Variants in MPRIP observed in about 807,000 individuals in gnomAD.
MPRIP encodes myosin phosphatase Rho interacting protein, also known as myosin phosphatase Rho-interacting protein.
MPRIP carries 59 observed loss-of-function variants against 234.9 expected under a neutral mutation model. The ratio of observed to expected loss-of-function variants is 0.25; its 90% CI spans 0.20 to 0.31. MPRIP has a LOEUF of 0.31. Among genes scored for constraint, MPRIP ranks in the 10% least tolerant of loss-of-function variants. MPRIP has a pLI of 1.00. For missense variants in MPRIP, 2,436 were observed against 3,071.0 expected, an observed-to-expected ratio of 0.79 and a Z score of 4.89; for synonymous variants, 1,144 against 1,263.9, an observed-to-expected ratio of 0.91 and a Z score of 2.01.
chr17:17,141,068 C>G (rs1360688355), intron 7 of MPRIP, among the ~76,000 whole-genome samples: 1 of 152,216 alleles, frequency 6.6e-6, no homozygotes. Context: ...GTAGCAAGTG[C>G]CTTTCCTCTT....
In MPRIP at chr17:17,136,503, C is replaced by T. The variant is rs534926767; in HGVS notation, c.736+53C>T. 1.6e-5 allele frequency: 24 copies of T among 1,521,298 alleles called. No individual in the cohort carries two copies. In the South Asian group the frequency reaches 2.5e-4, roughly 16 times the overall value. 94.2% of individuals were successfully genotyped at this position (1,521,298 alleles called of 1,614,324 possible). On this transcript the variant is annotated intron_variant, in intron 6 of 23. Transcript: ENST00000651222. ...GCACGGGAATGGCCCTCCCTCCCAT[C>T]AGAGCTGGCCCTGGGGATTCAGCCA...
chr17:17,056,577 A>T (rs1007587789), intron 1 of MPRIP, among the ~76,000 whole-genome samples: 1 of 148,902 alleles, frequency 6.7e-6, no homozygotes, highest in South Asian at 2.1e-4. Context: ...CCGTGCTATG[A>T]TGGGGTGAAC....
In MPRIP at chr17:17,185,746, T is replaced by C; in HGVS notation, c.*852T>C. 1 of 340,772 alleles carries C rather than the reference T, an allele frequency of 2.9e-6. No homozygotes were observed. Among genetic ancestry groups the C allele is most frequent in the African/African-American group, 2.2e-5 (1 of 46,066 alleles). 21.1% of individuals were successfully genotyped at this position (340,772 alleles called of 1,614,324 possible). A position where few individuals can be genotyped will look rare whatever the true frequency, so the allele number is the denominator to read the frequency against. ...TTCAAAATGGGGGAAGGTTTGGGGG[T>C]TTGGGTTTTTTTTTTACCTTTTGGA... On this transcript the variant is annotated 3_prime_UTR_variant, in exon 24 of 24. Transcript: ENST00000651222.
At chr17:17,073,011 A>G (rs1017563964) in intron 1 of MPRIP, among the ~76,000 whole-genome samples, 1 of 152,072 alleles carries the variant, frequency 6.6e-6, no homozygotes, top group Admixed American at 6.5e-5. Context: ...ATTCCAACTG[A>G]TGTGCAGCCA....
At chr17:17,083,642 A>AT (rs1311338154) in intron 3 of MPRIP, among the ~76,000 whole-genome samples, 3 of 152,090 alleles carry the variant, frequency 2.0e-5, no homozygotes, top group Non-Finnish European at 4.4e-5. Flanking sequence ...TCCCTAAGCC[A>AT]TTTTTTTGCA....
At chr17:17,168,039 T>C in intron 16 of MPRIP, 124 bp downstream of exon 16, 1 of 798,578 alleles carries the variant, frequency 1.3e-6, no homozygotes, top group South Asian at 1.7e-5. Flanking sequence ...CTCTACTTGC[T>C]AGCCATGGTG....
intron 3 of MPRIP, among the ~76,000 whole-genome samples, chr17:17,125,482 C>T (rs2090474214): frequency 6.6e-6 from 1 of 152,248 alleles, no homozygotes; most frequent in Non-Finnish European, 1.5e-5. Flanking sequence ...TCCGGTCTGA[C>T]TCCTGCAGGC....
intron 3 of MPRIP, among the ~76,000 whole-genome samples, chr17:17,126,408 G>A (rs898064102): frequency 5.3e-5 from 8 of 152,282 alleles, no homozygotes; most frequent in Non-Finnish European, 1.2e-4. Flanking sequence ...GATCTCAGCT[G>A]CCCCTGTCAC....
intron 19 of MPRIP, 35 bp downstream of exon 19, chr17:17,174,110 AG>A (rs749205773): frequency 1.9e-6 from 3 of 1,607,776 alleles, no homozygotes; most frequent in African/African-American, 1.3e-5. Flanking sequence ...AAGGTTAGTC[AG>A]GGGCACTCAA....
chr17:17,051,502 G>A (rs978763860), intron 1 of MPRIP, among the ~76,000 whole-genome samples: 1 of 152,240 alleles, frequency 6.6e-6, no homozygotes, highest in African/African-American at 2.4e-5. Context: ...TCTGGGCAAG[G>A]CAGCCAAAGC....
chr17:17,181,571 A>G (rs911069611), intron 23 of MPRIP: 8 of 152,260 alleles, frequency 5.3e-5, no homozygotes, highest in Admixed American at 2.6e-4. Context: ...TTCTTTAAAC[A>G]TAACGTTTTG....
Position 17,158,651 on chromosome 17 carries a change from T to G in MPRIP, c.2049T>G (p.Pro683=). 1 of 1,603,688 alleles carries G rather than the reference T, an allele frequency of 6.2e-7. No homozygotes were observed. The highest frequency in any genetic ancestry group is 1.1e-5 in the South Asian group (1 of 90,446). The part of the protein sequence containing the change: ...LAQERVGGVG[P]ADTHEPLRPE... Reference sequence around the variant, plus strand: ...AGGAGCGGGTGGGCGGCGTGGGGCCTGCTGACACCCACGAGCCCCTGCGCC... The same window carrying G: ...AGGAGCGGGTGGGCGGCGTGGGGCCGGCTGACACCCACGAGCCCCTGCGCC... The change falls in exon 14 of 24, where the codon CCT becomes CCG. Residue 683 remains proline (P), a synonymous_variant. Coordinates refer to ENST00000651222, the MANE Select transcript of MPRIP (RefSeq NM_001364716.4).
At chr17:17,110,303 A>C (rs113891816) in intron 3 of MPRIP, among the ~76,000 whole-genome samples, 1 of 152,200 alleles carries the variant, frequency 6.6e-6, no homozygotes, top group Non-Finnish European at 1.5e-5. Context: ...TTGTGAGCCA[A>C]ATAACCCTCT....
At chr17:17,175,536 G>T in intron 20 of MPRIP, 124 bp downstream of exon 20, 1 of 1,275,694 alleles carries the variant, frequency 7.8e-7, no homozygotes, top group Non-Finnish European at 1.0e-6. Flanking sequence ...GGAGTCACAG[G>T]GTCCAGGAAG....
intron 3 of MPRIP, among the ~76,000 whole-genome samples, chr17:17,082,541 C>T (rs561779635): frequency 2.0e-5 from 3 of 152,060 alleles, no homozygotes; most frequent in African/African-American, 7.2e-5. Context: ...GTGATCCGCC[C>T]GCCTCGGCCT....
intron 3 of MPRIP, among the ~76,000 whole-genome samples, chr17:17,123,735 A>G (rs2090439108): frequency 6.6e-6 from 1 of 151,686 alleles, no homozygotes; most frequent in Non-Finnish European, 1.5e-5. Flanking sequence ...GAAAGAAAAA[A>G]CGAAAAGTTA....
At chr17:17,157,793 A>T (rs1373596705) in intron 13 of MPRIP, among the ~76,000 whole-genome samples, 1 of 151,112 alleles carries the variant, frequency 6.6e-6, no homozygotes, top group African/African-American at 2.4e-5. Flanking sequence ...GCGCCATTGC[A>T]CTCCAGCCTG....
At chr17:17,131,783 G>GT (rs1432477251) in intron 5 of MPRIP, 82 bp downstream of exon 5, 1 of 1,296,928 alleles carries the variant, frequency 7.7e-7, no homozygotes, top group African/African-American at 1.5e-5. Flanking sequence ...AGGTTAGAGG[G>GT]TGAGGACACA....
intron 1 of MPRIP, among the ~76,000 whole-genome samples, chr17:17,052,190 CAG>C (rs2143852999): frequency 6.6e-6 from 1 of 152,338 alleles, no homozygotes; most frequent in African/African-American, 2.4e-5. Context: ...GCTCCCGTGC[CAG>C]AGTCCACCCT....
Sources: gnomAD v4.1 joint callset for allele counts (sites outside exome capture counted in the v4.1 genomes callset) on GRCh38, gnomAD v4.1.1 for gene constraint, MANE v1.5 for transcripts, NCBI Gene and HGNC (gene_info 2026-07-23, HGNC 2026-07-21) for gene names.